RNF170: variants seen among roughly 807,000 people sequenced by gnomAD.
RNF170 encodes the protein ring finger protein 170.
A neutral mutation model predicts 32.7 loss-of-function variants in RNF170; 12 were observed. The observed-to-expected ratio is 0.37, with a 90% CI of 0.24 to 0.60. RNF170 has a LOEUF of 0.60. Among genes scored for constraint, RNF170 ranks in the 20% least tolerant of loss-of-function variants. The pLI, the probability that RNF170 is intolerant of heterozygous loss-of-function variation, is 0.72. For synonymous variants in RNF170, 91 were observed against 103.6 expected, an observed-to-expected ratio of 0.88 and a Z score of 0.74; for missense variants, 212 against 311.2, an observed-to-expected ratio of 0.68 and a Z score of 2.40.
chr8:42,861,654 T>C (rs745451838), intron 6 of RNF170, 91 bp downstream of exon 6: 5 of 1,073,520 alleles, frequency 4.7e-6, no homozygotes, highest in South Asian at 2.6e-5. Flanking sequence ...AGATTTCTCA[T>C]AGTCAAAGAA....
chr8:42,850,900 C>T (rs878962084), downstream of RNF170: 2 of 1,551,720 alleles, frequency 1.3e-6, no homozygotes, highest in South Asian at 1.2e-5. Context: ...CCCTGACCTG[C>T]ATCCGACTGT....
chr8:42,890,093 C>T (rs954062567), intron 1 of RNF170, among the ~76,000 whole-genome samples: 1 of 151,994 alleles, frequency 6.6e-6, no homozygotes, highest in Admixed American at 6.6e-5. Flanking sequence ...ACATTTTCCT[C>T]TATGCTATAC....
At chr8:42,882,204 T>C (rs1281853882) in intron 2 of RNF170, among the ~76,000 whole-genome samples, 2 of 152,162 alleles carry the variant, frequency 1.3e-5, no homozygotes, top group African/African-American at 4.8e-5. Flanking sequence ...CCTTAAAATG[T>C]TAAACATAGA....
intron 3 of RNF170, among the ~76,000 whole-genome samples, chr8:42,872,400 T>C (rs1804588084): frequency 6.6e-6 from 1 of 152,222 alleles, no homozygotes; most frequent in South Asian, 2.1e-4. Context: ...ACATGAATTA[T>C]GGGTAACAAT....
chr8:42,888,324 A>G (rs990640664), intron 1 of RNF170, among the ~76,000 whole-genome samples: 1 of 151,958 alleles, frequency 6.6e-6, no homozygotes, highest in African/African-American at 2.4e-5. Flanking sequence ...TCGGCCTCCC[A>G]AAGTGCCGGG....
chr8:42,864,955 TA>T (rs746102377), intron 5 of RNF170, among the ~76,000 whole-genome samples: 333 of 143,634 alleles, frequency 2.3e-3, no homozygotes, highest in East Asian at 8.9e-3. Context: ...GGGTACAGTT[TA>T]AAAAAAAAAA....
chr8:42,891,110 C>T (rs1364897681), intron 1 of RNF170, among the ~76,000 whole-genome samples: 1 of 152,186 alleles, frequency 6.6e-6, no homozygotes, highest in Non-Finnish European at 1.5e-5. Context: ...TCCAACCATA[C>T]AGGCTCTAAA....
intron 3 of RNF170, among the ~76,000 whole-genome samples, chr8:42,872,919 C>G (rs1366236245): frequency 6.6e-6 from 1 of 152,042 alleles, no homozygotes; most frequent in Non-Finnish European, 1.5e-5. Flanking sequence ...GCATGGTGGG[C>G]TCACACTTAT....
intron 1 of RNF170, among the ~76,000 whole-genome samples, chr8:42,888,144 C>T (rs1805981449): frequency 6.6e-6 from 1 of 152,042 alleles, no homozygotes; most frequent in Admixed American, 6.6e-5. Flanking sequence ...CAGCTCACTG[C>T]AACGTCCGCC....
chr8:42,875,655 T>C (rs897453716), intron 2 of RNF170, among the ~76,000 whole-genome samples: 3 of 152,184 alleles, frequency 2.0e-5, no homozygotes, highest in African/African-American at 7.2e-5. Flanking sequence ...CAACTCACTG[T>C]AACCTTTGCC....
Position 42,855,706 on chromosome 8 carries a change from A to C in RNF170, c.*453T>G, listed in dbSNP as rs1263694957. On this transcript the variant is annotated 3_prime_UTR_variant, in exon 7 of 7. Coordinates refer to ENST00000527424, the MANE Select transcript of RNF170 (RefSeq NM_030954.4). ...CTAAAAGAAATACTGAATTTTCCCC[A>C]ATAGTATATAATATTTTATTGGAAC... The C allele has an allele frequency of 1.6e-6, 2 of 1,266,906 alleles. No homozygotes were observed. Among genetic ancestry groups the C allele is most frequent in the African/African-American group, 3.1e-5 (2 of 64,702 alleles). 78.5% of individuals were successfully genotyped at this position (1,266,906 alleles called of 1,614,324 possible). A position where few individuals can be genotyped will look rare whatever the true frequency, so the allele number is the denominator to read the frequency against.
At chr8:42,852,933 C>T (rs866209264), downstream of RNF170, among the ~76,000 whole-genome samples, 2 of 151,520 alleles carry the variant, frequency 1.3e-5, no homozygotes, top group Middle Eastern at 3.4e-3. Context: ...CTGGGCAACA[C>T]AGCCAGACCA....
intron 4 of RNF170, among the ~76,000 whole-genome samples, chr8:42,867,775 CAAAAAAAAAAAAA>C (rs1054907767): frequency 4.0e-5 from 1 of 24,772 alleles, no homozygotes; most frequent in Non-Finnish European, 7.9e-5. Flanking sequence ...GACTCCATCT[CAAAAAAAAAAAAA>C]AAAAAAAAAA....
At chr8:42,883,572 A>G (rs1186644146) in intron 2 of RNF170, among the ~76,000 whole-genome samples, 10 of 5,144 alleles carry the variant, frequency 1.9e-3, no homozygotes, top group South Asian at 5.0e-3. Flanking sequence ...CTGTCTCAGA[A>G]AAAAAAAAAA....
chr8:42,884,714 T>C (rs1319570167), intron 2 of RNF170, among the ~76,000 whole-genome samples: 1 of 151,184 alleles, frequency 6.6e-6, no homozygotes, highest in Non-Finnish European at 1.5e-5. Flanking sequence ...TTTTTTTTTT[T>C]TCTTTTGAGA....
chr8:42,888,901 A>C (rs781017329), intron 1 of RNF170, among the ~76,000 whole-genome samples: 5 of 152,100 alleles, frequency 3.3e-5, no homozygotes, highest in Non-Finnish European at 7.3e-5. Context: ...CAGCATGTGT[A>C]TATCTTGTGG....
chr8:42,879,830 G>A (rs1805242076), intron 2 of RNF170, among the ~76,000 whole-genome samples: 1 of 151,882 alleles, frequency 6.6e-6, no homozygotes, highest in Admixed American at 6.6e-5. Context: ...GTGTGCCACC[G>A]TGCCTGGCTA....
Position 42,854,579 on chromosome 8 carries a change from A to G in RNF170, c.*1580T>C. The G allele has an allele frequency of 7.8e-7, 1 of 1,287,076 alleles. No homozygotes were observed. 79.7% of individuals were successfully genotyped at this position (1,287,076 alleles called of 1,614,324 possible). ...CTCTGTCCTAGGTCCAAATTAGAAAAACACATATTGATATTTCATTCAGAA... is the reference window on the plus strand; with the variant it reads ...CTCTGTCCTAGGTCCAAATTAGAAAGACACATATTGATATTTCATTCAGAA... On this transcript the variant is annotated 3_prime_UTR_variant, in exon 7 of 7. Coordinates refer to ENST00000527424, the MANE Select transcript of RNF170 (RefSeq NM_030954.4).
At chr8:42,883,771 T>A (rs1370529347) in intron 2 of RNF170, among the ~76,000 whole-genome samples, 1 of 152,078 alleles carries the variant, frequency 6.6e-6, no homozygotes, top group Non-Finnish European at 1.5e-5. Flanking sequence ...AATTTTGTTA[T>A]GTATATTTTA....
Sources: gnomAD v4.1 joint callset for allele counts (sites outside exome capture counted in the v4.1 genomes callset) on GRCh38, gnomAD v4.1.1 for gene constraint, MANE v1.5 for transcripts, NCBI Gene and HGNC (gene_info 2026-07-23, HGNC 2026-07-21) for gene names.